Variants in FHIT observed in about 807,000 individuals in gnomAD.
The protein encoded by FHIT is bis(5'-adenosyl)-triphosphatase.
Under a neutral mutation model 17.9 loss-of-function variants are expected in FHIT, and 19 were observed. The ratio of observed to expected loss-of-function variants is 1.06; its 90% CI spans 0.74 to 1.56. The LOEUF (loss-of-function observed/expected upper bound fraction) is 1.56. Ranked by LOEUF, FHIT falls within the 40% of genes most tolerant of loss-of-function variation. The pLI is 0.00. For synonymous variants in FHIT, 81 were observed against 69.7 expected (o/e 1.16, Z -0.81); for missense variants, 248 against 189.2 (o/e 1.31, Z -1.82).
intron 5 of FHIT, among the ~76,000 whole-genome samples, chr3:60,482,913 TAAA>T (rs2033675083): frequency 1.4e-5 from 2 of 145,528 alleles, no homozygotes; most frequent in South Asian, 4.4e-4. Context: ...TTGAAAAAAA[TAAA>T]AAATAGACAG....
At chr3:59,831,540 T>C (rs1457754946) in intron 8 of FHIT, among the ~76,000 whole-genome samples, 1 of 152,164 alleles carries the variant, frequency 6.6e-6, no homozygotes, top group Admixed American at 6.5e-5. Flanking sequence ...TACCCCAGCA[T>C]TGACACAAAC....
intron 5 of FHIT, among the ~76,000 whole-genome samples, chr3:60,261,736 G>A (rs1559770216): frequency 6.6e-6 from 1 of 151,790 alleles, no homozygotes; most frequent in Non-Finnish European, 1.5e-5. Context: ...GGAAACAGCA[G>A]AAGCAAGAAG....
intron 5 of FHIT, among the ~76,000 whole-genome samples, chr3:60,442,644 G>A (rs978185288): frequency 1.3e-5 from 2 of 152,020 alleles, no homozygotes; most frequent in Admixed American, 6.6e-5. Context: ...CTCTGTTTTG[G>A]TAACAGTACC....
At chr3:60,085,553 G>A (rs900450424) in intron 5 of FHIT, among the ~76,000 whole-genome samples, 12 of 151,924 alleles carry the variant, frequency 7.9e-5, no homozygotes, top group South Asian at 6.2e-4. Context: ...TTTTTCCTCC[G>A]GAATGTTCTC....
At chr3:60,722,932 G>C (rs1231712206) in intron 4 of FHIT, among the ~76,000 whole-genome samples, 3 of 151,912 alleles carry the variant, frequency 2.0e-5, no homozygotes, top group Admixed American at 2.0e-4. Context: ...CCACATTGGC[G>C]CTGGTCTCGA....
chr3:60,477,767 T>A (rs927275188), intron 5 of FHIT, among the ~76,000 whole-genome samples: 1 of 152,172 alleles, frequency 6.6e-6, no homozygotes, highest in Non-Finnish European at 1.5e-5. Flanking sequence ...GTAGAGACCA[T>A]AGTAAACATT....
At chr3:60,143,137 C>T (rs949818303) in intron 5 of FHIT, among the ~76,000 whole-genome samples, 44 of 151,990 alleles carry the variant, frequency 2.9e-4, no homozygotes, top group Admixed American at 2.1e-3. Flanking sequence ...TGTTAGAGGC[C>T]GAGAACATAA....
intron 7 of FHIT, among the ~76,000 whole-genome samples, chr3:59,940,131 C>G (rs1706441905): frequency 6.6e-6 from 1 of 152,078 alleles, no homozygotes; most frequent in African/African-American, 2.4e-5. Flanking sequence ...TAAAATGAAC[C>G]CATCTCAGAG....
At chr3:61,076,682 C>T (rs1031284066) in intron 2 of FHIT, among the ~76,000 whole-genome samples, 6 of 152,070 alleles carry the variant, frequency 3.9e-5, no homozygotes, top group African/African-American at 1.4e-4. Flanking sequence ...TTCCACAATA[C>T]CATGAGCTAG....
intron 3 of FHIT, among the ~76,000 whole-genome samples, chr3:60,910,410 CTTT>C (rs539012384): frequency 1.4e-5 from 2 of 138,132 alleles, no homozygotes; most frequent in African/African-American, 2.7e-5. Context: ...GTCTTTCTCT[CTTT>C]TTTTTTTTTT....
rs187460511 is a variant in FHIT at position 61,038,772 on chromosome 3, T to A, written c.-111+3275A>T. Reference sequence around the variant, plus strand: ...CAATATGAAGAAAATGTAGTAAAAATCTTGATGATTATTGAATCTAGGTAT... The same window carrying A: ...CAATATGAAGAAAATGTAGTAAAAAACTTGATGATTATTGAATCTAGGTAT... On this transcript the variant is annotated intron_variant, in intron 3 of 9. Coordinates refer to ENST00000492590, the MANE Select transcript of FHIT (RefSeq NM_002012.4). Among the ~76,000 whole-genome samples, 10 of 152,184 alleles carry A rather than the reference T, an allele frequency of 6.6e-5. No individual in the cohort carries two copies. The East Asian group carries it at 1.5e-3, about 24-fold the overall frequency.
chr3:60,561,453 G>T (rs1415233497), intron 4 of FHIT, among the ~76,000 whole-genome samples: 1 of 151,604 alleles, frequency 6.6e-6, no homozygotes, highest in Non-Finnish European at 1.5e-5. Context: ...AAGAATGTTT[G>T]AGCCATTTTT....
intron 1 of FHIT, among the ~76,000 whole-genome samples, chr3:61,214,017 G>T (rs1229249547): frequency 6.6e-6 from 1 of 151,940 alleles, no homozygotes; most frequent in African/African-American, 2.4e-5. Flanking sequence ...GTGTATAGAG[G>T]GAAATTTATA....
chr3:60,425,833 C>A (rs1004093749), intron 5 of FHIT, among the ~76,000 whole-genome samples: 7 of 151,826 alleles, frequency 4.6e-5, no homozygotes, highest in Admixed American at 1.3e-4. Context: ...GATAGGATCC[C>A]AGCTTAAATC....
At chr3:60,658,369 C>T (rs2040164999) in intron 4 of FHIT, among the ~76,000 whole-genome samples, 1 of 152,030 alleles carries the variant, frequency 6.6e-6, no homozygotes, top group African/African-American at 2.4e-5. Context: ...CCCTCATTTC[C>T]TGCATCACTG....
At chr3:60,406,342 T>C (rs892161695) in intron 5 of FHIT, among the ~76,000 whole-genome samples, 2 of 152,208 alleles carry the variant, frequency 1.3e-5, no homozygotes, top group East Asian at 3.8e-4. Context: ...CCAGGCAATC[T>C]TACATGCAAA....
intron 4 of FHIT, chr3:60,537,491 C>T: frequency 1.0e-6 from 1 of 980,706 alleles, no homozygotes; most frequent in Middle Eastern, 5.2e-4. Context: ...TGAGCACTTC[C>T]AGAGAACTAT....
At chr3:61,001,569 A>G (rs2031085058) in intron 3 of FHIT, among the ~76,000 whole-genome samples, 1 of 152,254 alleles carries the variant, frequency 6.6e-6, no homozygotes, top group South Asian at 2.1e-4. Context: ...GATACATACT[A>G]TATGATTACT....
At chr3:60,184,377 T>C (rs1702075156) in intron 5 of FHIT, among the ~76,000 whole-genome samples, 3 of 152,216 alleles carry the variant, frequency 2.0e-5, no homozygotes, top group Admixed American at 6.5e-5. Flanking sequence ...TTCTTAGTTG[T>C]GACAGTTTAT....
Sources: allele counts gnomAD v4.1 joint callset (sites outside exome capture counted in the v4.1 genomes callset), GRCh38; gene constraint gnomAD v4.1.1; transcripts MANE v1.5; gene names NCBI Gene and HGNC (gene_info 2026-07-23, HGNC 2026-07-21).